The following AHCYL2 variants were observed in gnomAD, a reference collection of about 807,000 sequenced individuals.
AHCYL2 encodes S-adenosylhomocysteine hydrolase-like protein 2.
In AHCYL2, 28 loss-of-function variants were observed where a neutral mutation model predicts 81.4. The ratio of observed to expected loss-of-function variants is 0.34; its 90% CI spans 0.25 to 0.47. The LOEUF is 0.47. Ranked by LOEUF, AHCYL2 falls within the 20% of genes least tolerant of loss-of-function variation. The pLI is 1.00. For missense variants in AHCYL2, 551 were observed against 785.1 expected, an observed-to-expected ratio of 0.70 and a Z score of 3.56; for synonymous variants, 272 against 290.2, an observed-to-expected ratio of 0.94 and a Z score of 0.64.
chr7:129,350,782 C>A (rs1194983119), intron 1 of AHCYL2, among the ~76,000 whole-genome samples: 2 of 147,196 alleles, frequency 1.4e-5, no homozygotes, highest in African/African-American at 2.5e-5. Flanking sequence ...CAGCTCACTG[C>A]AATCTCTGTA....
intron 1 of AHCYL2, among the ~76,000 whole-genome samples, chr7:129,341,785 A>G (rs1458217618): frequency 6.6e-6 from 1 of 152,220 alleles, no homozygotes; most frequent in Non-Finnish European, 1.5e-5. Flanking sequence ...TAACACACTC[A>G]TGGTTATCAT....
chr7:129,298,295 G>A (rs1797124435), intron 1 of AHCYL2, among the ~76,000 whole-genome samples: 2 of 152,152 alleles, frequency 1.3e-5, no homozygotes, highest in Non-Finnish European at 2.9e-5. Flanking sequence ...GAAATACAAG[G>A]TAGCCTGGTT....
chr7:129,359,264 T>C (rs544496069), intron 1 of AHCYL2, among the ~76,000 whole-genome samples: 1 of 152,308 alleles, frequency 6.6e-6, no homozygotes, highest in South Asian at 2.1e-4. Flanking sequence ...TATTTTATGA[T>C]GTTTATATCA....
chr7:129,256,394 G>C (rs1160718477), intron 1 of AHCYL2, among the ~76,000 whole-genome samples: 2 of 152,066 alleles, frequency 1.3e-5, no homozygotes, highest in Non-Finnish European at 2.9e-5. Context: ...TCTTTTAGGA[G>C]TAGCCTATGC....
chr7:129,315,018 T>C (rs34534484), intron 1 of AHCYL2, among the ~76,000 whole-genome samples: 3,748 of 152,190 alleles, frequency 0.025, 77 homozygotes, highest in Admixed American at 0.058. Context: ...GTGAGTTTAG[T>C]ATGGAAAGCA....
chr7:129,373,401 A>C (rs2150868344), intron 1 of AHCYL2, among the ~76,000 whole-genome samples: 1 of 149,192 alleles, frequency 6.7e-6, no homozygotes, highest in African/African-American at 2.5e-5. Flanking sequence ...TTTTTAGTAG[A>C]AACCCTGTCT....
At chr7:129,246,240 T>C (rs1329882383) in intron 1 of AHCYL2, among the ~76,000 whole-genome samples, 2 of 152,054 alleles carry the variant, frequency 1.3e-5, no homozygotes, top group Non-Finnish European at 2.9e-5. Flanking sequence ...GTGTTTTTAG[T>C]AGAGACAGGG....
intron 11 of AHCYL2, among the ~76,000 whole-genome samples, chr7:129,410,738 G>T (rs1390172346): frequency 6.6e-6 from 1 of 152,182 alleles, no homozygotes; most frequent in East Asian, 1.9e-4. Flanking sequence ...TGCAGAAATG[G>T]CTAGTTTCCT....
At chr7:129,248,438 A>C (rs1171085017) in intron 1 of AHCYL2, among the ~76,000 whole-genome samples, 1 of 152,068 alleles carries the variant, frequency 6.6e-6, no homozygotes, top group Non-Finnish European at 1.5e-5. Flanking sequence ...ATGCTATGTA[A>C]ATAGTTGTTA....
chr7:129,339,558 C>CT (rs1793087602), intron 1 of AHCYL2, among the ~76,000 whole-genome samples: 1 of 152,010 alleles, frequency 6.6e-6, no homozygotes, highest in Non-Finnish European at 1.5e-5. Context: ...TGCCATTTTT[C>CT]TTTTCATTTT....
chr7:129,324,402 CTGTT>C lies in AHCYL2; in HGVS notation c.364-55230_364-55227del, dbSNP rs200459674. Among the ~76,000 whole-genome samples the C allele has an allele frequency of 3.4e-3, 513 of 152,164 alleles. 1 individual carries two copies. Among genetic ancestry groups the C allele is most frequent in the African/African-American group, 0.012 (496 of 41,534 alleles). On this transcript the variant is annotated intron_variant, in intron 1 of 16. Transcript: ENST00000325006. The stretch of plus-strand genomic sequence containing the variant: ...GGATGTGTGTAAATCTGCCATCTTG[CTGTT>C]TGTTTTCTATTTTTCCCACCTCTTC...
Position 129,428,980 on chromosome 7 carries a change from C to T in AHCYL2, c.*1935C>T, listed in dbSNP as rs1797471178. ...TAGCAAGGGATTCAGATCTTTGTAC[C>T]TTATCTTATATCCAGAGCAGATTCC... On this transcript the variant is annotated 3_prime_UTR_variant, in exon 17 of 17. Coordinates refer to ENST00000325006, the MANE Select transcript of AHCYL2 (RefSeq NM_015328.4). 1 of 152,084 alleles carries T rather than the reference C, an allele frequency of 6.6e-6. No individual in the cohort carries two copies. The highest frequency in any genetic ancestry group is 1.5e-5 in the Non-Finnish European group (1 of 68,004). The allele number at this position is 152,084 out of a possible 1,614,324, so 9.4% of individuals were successfully genotyped here.
intron 11 of AHCYL2, chr7:129,410,236 T>C: frequency 6.2e-7 from 1 of 1,614,000 alleles, no homozygotes; most frequent in Non-Finnish European, 8.5e-7. Flanking sequence ...CAATGGCTCC[T>C]TCTCCATCAC....
chr7:129,333,969 A>G (rs1798509115), intron 1 of AHCYL2, among the ~76,000 whole-genome samples: 1 of 152,134 alleles, frequency 6.6e-6, no homozygotes, highest in South Asian at 2.1e-4. Context: ...TTCTTACACA[A>G]TAGGGTAGTA....
chr7:129,295,268 G>A lies in AHCYL2; in HGVS notation c.363+69829G>A, dbSNP rs572580196. Among the ~76,000 whole-genome samples the A allele has an allele frequency of 4.6e-5, 7 of 152,338 alleles. No homozygotes were observed. In the South Asian group the frequency reaches 6.2e-4, roughly 14 times the overall value. On this transcript the variant is annotated intron_variant, in intron 1 of 16. Transcript: ENST00000325006. ...GCCAGGCTGGTTCTGTGAAGCCAGA[G>A]CAATCTGGTTTTAAAGGATTTAACT... is the stretch of plus-strand genomic sequence containing the variant.
chr7:129,388,915 G>A lies in AHCYL2; in HGVS notation c.476-141G>A, dbSNP rs144124278. ...TTTCAGCTTCCCTCTTCTGGCATGTGTATAGCCTGCAGGTACTTAACAGAG... is the reference window on the plus strand; with the variant it reads ...TTTCAGCTTCCCTCTTCTGGCATGTATATAGCCTGCAGGTACTTAACAGAG... On this transcript the variant is annotated intron_variant, in intron 2 of 16. Transcript: ENST00000325006. The A allele has an allele frequency of 8.9e-4, 731 of 824,596 alleles. 2 individuals carry two copies. Among genetic ancestry groups the A allele is most frequent in the Non-Finnish European group, 1.2e-3 (675 of 540,670 alleles). 51.1% of individuals were successfully genotyped at this position (824,596 alleles called of 1,614,324 possible). A position where few individuals can be genotyped will look rare whatever the true frequency, so the allele number is the denominator to read the frequency against.
At chr7:129,297,258 T>C (rs1351889894) in intron 1 of AHCYL2, among the ~76,000 whole-genome samples, 1 of 152,220 alleles carries the variant, frequency 6.6e-6, no homozygotes, top group Non-Finnish European at 1.5e-5. Context: ...TTAATGATGG[T>C]GTCAGTGGTT....
intron 2 of AHCYL2, 40 bp from the exon 3 acceptor site, chr7:129,389,015 CA>C (rs200426402): frequency 6.4e-7 from 1 of 1,574,762 alleles, no homozygotes; most frequent in Non-Finnish European, 8.6e-7. Flanking sequence ...TTAGAGGAAG[CA>C]TTTTTTTTTT....
chr7:129,294,311 T>A (rs1287517474), intron 1 of AHCYL2, among the ~76,000 whole-genome samples: 1 of 152,194 alleles, frequency 6.6e-6, no homozygotes, highest in Admixed American at 6.5e-5. Flanking sequence ...AAAGTGTTAA[T>A]GCTTCAATTT....
Sources: gnomAD v4.1 joint callset for allele counts (sites outside exome capture counted in the v4.1 genomes callset) on GRCh38, gnomAD v4.1.1 for gene constraint, MANE v1.5 for transcripts, NCBI Gene and HGNC (gene_info 2026-07-23, HGNC 2026-07-21) for gene names.